Variants in MTFR2 observed in about 807,000 individuals in gnomAD.
The protein encoded by MTFR2 is DUF729 domain-containing protein 1.
A neutral mutation model predicts 41.2 loss-of-function variants in MTFR2; 44 were observed. The ratio of observed to expected loss-of-function variants is 1.07; its 90% CI spans 0.84 to 1.37. The LOEUF is 1.37. Among genes scored for constraint, MTFR2 ranks in the 40% most tolerant of loss-of-function variants. The pLI is 0.00. For synonymous variants in MTFR2, 141 were observed against 154.6 expected, an observed-to-expected ratio of 0.91 and a Z score of 0.65; for missense variants, 452 against 459.5, an observed-to-expected ratio of 0.98 and a Z score of 0.15.
chr6:136,233,839 G>A (rs1384751586), intron 6 of MTFR2, among the ~76,000 whole-genome samples: 4 of 150,562 alleles, frequency 2.7e-5, no homozygotes, highest in African/African-American at 7.3e-5. Flanking sequence ...TTAAAAGGAC[G>A]AGAGTTCATG....
chr6:136,244,723 T>C lies in MTFR2; in HGVS notation c.168+42A>G, dbSNP rs779372694. 21 of 1,356,750 alleles carry C rather than the reference T, an allele frequency of 1.5e-5. No individual in the cohort carries two copies. In the South Asian group the frequency reaches 2.0e-4, roughly 13 times the overall value. The allele number at this position is 1,356,750 out of a possible 1,614,324, so 84.0% of individuals were successfully genotyped here. On this transcript the variant is annotated intron_variant, in intron 3 of 7. Transcript: ENST00000420702. ...ATACCTGTAAGAGTACCTAGGATTA[T>C]TTTGTACTTGGTACTTAAACAATTT...
intron 2 of MTFR2, among the ~76,000 whole-genome samples, chr6:136,245,507 C>T (rs558282414): frequency 2.6e-5 from 4 of 152,286 alleles, no homozygotes; most frequent in African/African-American, 9.6e-5. Context: ...ACAGGAACCA[C>T]TCTCCCCCAC....
In MTFR2 at chr6:136,242,988, GA is replaced by G. The variant is rs750815255; in HGVS notation, c.169-16del. ...AGCGGGATCAACTAAAGTAAAAAAA[GA>G]AAAAAATAGTCAGAGCTCTGCAGGG... On this transcript the variant is annotated splice_polypyrimidine_tract_variant and intron_variant, in intron 3 of 7. Coordinates refer to ENST00000420702, the MANE Select transcript of MTFR2 (RefSeq NM_001099286.3). 9 of 1,563,738 alleles carry G rather than the reference GA, an allele frequency of 5.8e-6. No individual in the cohort carries two copies. The Admixed American group carries it at 1.5e-4, about 27-fold the overall frequency.
chr6:136,233,759 G>A (rs901887000), intron 6 of MTFR2, among the ~76,000 whole-genome samples: 1 of 151,818 alleles, frequency 6.6e-6, no homozygotes, highest in African/African-American at 2.4e-5. Flanking sequence ...ATGTCACTAT[G>A]CTGAAGATCT....
chr6:136,248,832 G>A, intron 2 of MTFR2: 1 of 516,442 alleles, frequency 1.9e-6, no homozygotes, highest in South Asian at 2.9e-5. Flanking sequence ...GTTGGCATTT[G>A]TCCTATCAGG....
Position 136,240,917 on chromosome 6 carries a change from C to T in MTFR2, c.514+527G>A, listed in dbSNP as rs1015964230. Among the ~76,000 whole-genome samples, 23 of 152,206 alleles carry T rather than the reference C, an allele frequency of 1.5e-4. 1 individual carries two copies. Among genetic ancestry groups the T allele is most frequent in the East Asian group, 9.7e-4 (5 of 5,170 alleles). Reference sequence around the variant, plus strand: ...CCATCCTGGCTAACACGGTGAAACCCCGTCTCTACTAAAAATACAAAAAAT... The same window carrying T: ...CCATCCTGGCTAACACGGTGAAACCTCGTCTCTACTAAAAATACAAAAAAT... On this transcript the variant is annotated intron_variant, in intron 5 of 7. Transcript: ENST00000420702.
chr6:136,233,638 G>A, intron 6 of MTFR2, 139 bp from the exon 7 acceptor site: 1 of 687,418 alleles, frequency 1.5e-6, no homozygotes, highest in South Asian at 4.2e-5. Context: ...TAATCTTCAA[G>A]AAATTTTCGC....
chr6:136,249,438 T>A (rs1235712840), intron 1 of MTFR2, among the ~76,000 whole-genome samples: 1 of 152,218 alleles, frequency 6.6e-6, no homozygotes, highest in African/African-American at 2.4e-5. Context: ...TAGGCAAGGC[T>A]TCAAGTTACA....
chr6:136,241,501 G>C lies in MTFR2; in HGVS notation c.457C>G (p.Arg153Gly), dbSNP rs151177675. ...TCCACAATTGCTGCAATCTGAGAGC[G>C]AAGAAAAGTCAGCTCATTTTCAAGG... ...AALENELTFL[R>G]SQIAAIVEMQ... is the part of the protein sequence containing the mutation. Residue 153 changes from arginine to glycine, a missense_variant, in exon 5 of 8, where the codon CGC (arginine) becomes GGC (glycine). Arg to Gly is a moderately radical substitution (Grantham distance 125). Coordinates refer to ENST00000420702, the MANE Select transcript of MTFR2 (RefSeq NM_001099286.3). 1 of 1,614,052 alleles carries C rather than the reference G, an allele frequency of 6.2e-7. No homozygotes were observed. The highest frequency in any genetic ancestry group is 1.1e-5 in the South Asian group (1 of 91,062).
chr6:136,232,994 A>G, intron 7 of MTFR2: 1 of 194,826 alleles, frequency 5.1e-6, no homozygotes, highest in Non-Finnish European at 1.1e-5. Flanking sequence ...CTATTGCACC[A>G]TTCTTCCCTG....
At chr6:136,249,198 C>A in intron 1 of MTFR2, 45 bp from the exon 2 acceptor site, 1 of 838,964 alleles carries the variant, frequency 1.2e-6, no homozygotes, top group Admixed American at 3.4e-5. Context: ...CAAATAAATG[C>A]CAAATTGTAC....
Position 136,233,424 on chromosome 6 carries a change from A to G in MTFR2, c.945T>C (p.His315=). The G allele has an allele frequency of 6.2e-7, 1 of 1,606,732 alleles. No homozygotes were observed. Among genetic ancestry groups the G allele is most frequent in the South Asian group, 1.1e-5 (1 of 90,058 alleles). The change falls in exon 7 of 8, where the codon CAT becomes CAC. Residue 315 remains histidine, a synonymous_variant. Coordinates refer to ENST00000420702, the MANE Select transcript of MTFR2 (RefSeq NM_001099286.3). ...GAAATGCAAATTTCTGTTTAAGTGC[A>G]TGAGATATTAAAGAAACTGGATCCC... ...SHWDPVSLIS[H]ALKQKFAFQE...
intron 3 of MTFR2, among the ~76,000 whole-genome samples, chr6:136,243,785 G>A (rs1263035603): frequency 1.3e-5 from 2 of 152,012 alleles, no homozygotes; most frequent in Non-Finnish European, 2.9e-5. Context: ...CCAGGAGAAG[G>A]TATTGTTATT....
Position 136,231,171 on chromosome 6 carries a change from A to T in MTFR2, c.*104T>A. ...GCAAAATGTGTCAAGAAGAGTCTTTAAATACATCTACTTTTAGCCTTTAAC... is the reference window on the plus strand; with the variant it reads ...GCAAAATGTGTCAAGAAGAGTCTTTTAATACATCTACTTTTAGCCTTTAAC... On this transcript the variant is annotated 3_prime_UTR_variant, in exon 8 of 8. Coordinates refer to ENST00000420702, the MANE Select transcript of MTFR2 (RefSeq NM_001099286.3). 1.4e-6 allele frequency: 1 copy of T among 719,752 alleles called. No homozygotes were observed. Among genetic ancestry groups the T allele is most frequent in the Non-Finnish European group, 2.3e-6 (1 of 431,966 alleles). The allele number at this position is 719,752 out of a possible 1,614,324, so 44.6% of individuals were successfully genotyped here.
chr6:136,246,578 T>C (rs774059247), intron 2 of MTFR2, among the ~76,000 whole-genome samples: 4 of 152,172 alleles, frequency 2.6e-5, no homozygotes, highest in Non-Finnish European at 4.4e-5. Flanking sequence ...CCACCACATC[T>C]GGCCATCTTC....
Position 136,231,133 on chromosome 6 carries a change from A to AG in MTFR2, c.*141_*142insC. Reference sequence around the variant, plus strand: ...AAAAATGACAGGCATACATATTTACATAGCAAGTGTAGGCAAAATGTGTCA... The same window carrying AG: ...AAAAATGACAGGCATACATATTTACAGTAGCAAGTGTAGGCAAAATGTGTCA... On this transcript the variant is annotated 3_prime_UTR_variant, in exon 8 of 8. Coordinates refer to ENST00000420702, the MANE Select transcript of MTFR2 (RefSeq NM_001099286.3). 3.4e-6 allele frequency: 2 copies of AG among 586,536 alleles called. No individual in the cohort carries two copies. The highest frequency in any genetic ancestry group is 6.0e-6 in the Non-Finnish European group (2 of 331,166). The allele number at this position is 586,536 out of a possible 1,614,324, so 36.3% of individuals were successfully genotyped here.
chr6:136,245,866 G>C (rs1780199866), intron 2 of MTFR2, among the ~76,000 whole-genome samples: 1 of 152,060 alleles, frequency 6.6e-6, no homozygotes, highest in Admixed American at 6.6e-5. Flanking sequence ...TTCACACTCA[G>C]TCTTCAAAAT....
chr6:136,238,883 A>G (rs1349843064), intron 6 of MTFR2, among the ~76,000 whole-genome samples: 3 of 152,168 alleles, frequency 2.0e-5, no homozygotes, highest in East Asian at 1.9e-4. Context: ...CCTGGGCAAC[A>G]TGGCGAAACC....
intron 2 of MTFR2, chr6:136,247,611 C>T (rs923383160): frequency 6.8e-6 from 3 of 441,898 alleles, no homozygotes; most frequent in South Asian, 1.6e-5. Context: ...AGGCTGATGG[C>T]CTCTCTCAAT....
Sources: allele counts gnomAD v4.1 joint callset (sites outside exome capture counted in the v4.1 genomes callset), GRCh38; gene constraint gnomAD v4.1.1; transcripts MANE v1.5; gene names NCBI Gene and HGNC (gene_info 2026-07-23, HGNC 2026-07-21).